The following ANKFN1 variants were observed in gnomAD, a reference collection of about 807,000 sequenced individuals.
ANKFN1 encodes the protein ankyrin repeat and fibronectin type-III domain-containing protein 1.
ANKFN1 carries 74 observed loss-of-function variants against 108.7 expected under a neutral mutation model. The observed-to-expected ratio is 0.68, with a 90% CI of 0.56 to 0.83. ANKFN1 has a LOEUF of 0.83. Ranked by LOEUF, ANKFN1 falls within the 40% of genes least tolerant of loss-of-function variation. The pLI is 0.00. For synonymous variants in ANKFN1, 547 were observed against 516.2 expected (o/e 1.06, Z -0.81); for missense variants, 1,505 against 1,382.3 (o/e 1.09, Z -1.41).
chr17:56,354,616 G>A (rs1265028811), intron 6 of ANKFN1, among the ~76,000 whole-genome samples: 2 of 152,172 alleles, frequency 1.3e-5, no homozygotes, highest in Non-Finnish European at 2.9e-5. Flanking sequence ...TAAAATGGAT[G>A]AGTGGCTGTA....
intron 3 of ANKFN1, among the ~76,000 whole-genome samples, chr17:56,282,999 G>T (rs1211303205): frequency 6.6e-6 from 1 of 152,124 alleles, no homozygotes; most frequent in East Asian, 1.9e-4. Context: ...AGGTTCAGGG[G>T]TACATGTGCA....
At chr17:56,352,259 A>C (rs891868778) in intron 5 of ANKFN1, among the ~76,000 whole-genome samples, 3 of 152,240 alleles carry the variant, frequency 2.0e-5, no homozygotes, top group African/African-American at 7.2e-5. Context: ...AAGCATTTGC[A>C]TAATAGCTTT....
chr17:56,383,952 G>A (rs1022050183), intron 8 of ANKFN1, among the ~76,000 whole-genome samples: 1 of 152,192 alleles, frequency 6.6e-6, no homozygotes, highest in Non-Finnish European at 1.5e-5. Flanking sequence ...AATAGAAAAA[G>A]AGGGAATCCT....
At chr17:56,138,935 G>A (rs1907758359) in intron 4 of ANKFN1, among the ~76,000 whole-genome samples, 1 of 152,122 alleles carries the variant, frequency 6.6e-6, no homozygotes, top group Admixed American at 6.5e-5. Context: ...GCACTCATGA[G>A]TTCAACCGTT....
chr17:56,497,731 AAAAT>A (rs1289941125), intron 19 of ANKFN1, among the ~76,000 whole-genome samples: 1 of 152,146 alleles, frequency 6.6e-6, no homozygotes, highest in Non-Finnish European at 1.5e-5. Context: ...ATGTTCCTGA[AAAAT>A]AAATCCTAAA....
intron 8 of ANKFN1, among the ~76,000 whole-genome samples, chr17:56,378,831 G>A (rs1054131551): frequency 2.6e-5 from 4 of 152,120 alleles, no homozygotes; most frequent in Non-Finnish European, 5.9e-5. Flanking sequence ...TCTGCTGGGG[G>A]TGAGAGGATG....
At chr17:56,154,642 CAA>C (rs60522690) in intron 1 of ANKFN1, among the ~76,000 whole-genome samples, 45 of 134,004 alleles carry the variant, frequency 3.4e-4, no homozygotes, top group Admixed American at 4.5e-4. Flanking sequence ...ATGCCAACAC[CAA>C]AAAAAAAAAA....
chr17:56,189,940 A>T (rs541471083), intron 1 of ANKFN1, among the ~76,000 whole-genome samples: 1 of 152,026 alleles, frequency 6.6e-6, no homozygotes, highest in East Asian at 1.9e-4. Flanking sequence ...AGGCATTATC[A>T]TGACAAAAAG....
At chr17:56,092,266 ATTTT>A (rs748898792) in intron 4 of ANKFN1, among the ~76,000 whole-genome samples, 5 of 111,362 alleles carry the variant, frequency 4.5e-5, no homozygotes, top group African/African-American at 1.2e-4. Context: ...GTGAGGTAGT[ATTTT>A]TTTTTTTTTT....
At chr17:56,049,529 T>G (rs1217457649) in intron 4 of ANKFN1, among the ~76,000 whole-genome samples, 1 of 151,876 alleles carries the variant, frequency 6.6e-6, no homozygotes, top group Non-Finnish European at 1.5e-5. Flanking sequence ...CTCCCAATGC[T>G]ATCCCTCCCC....
Position 56,440,003 on chromosome 17 carries a change from A to G in ANKFN1, c.911-324A>G, listed in dbSNP as rs139964531. On this transcript the variant is annotated intron_variant, in intron 8 of 20. Coordinates refer to ENST00000682825, the MANE Select transcript of ANKFN1 (RefSeq NM_001370326.1). Reference sequence around the variant, plus strand: ...TTATATGGCAATGGTCTCATGAGCAATATATTTAATATAACTTACATCTGA... The same window carrying G: ...TTATATGGCAATGGTCTCATGAGCAGTATATTTAATATAACTTACATCTGA... Among the ~76,000 whole-genome samples, 360 of 152,304 alleles carry G rather than the reference A, an allele frequency of 2.4e-3. 4 individuals are homozygous for G. In the Middle Eastern group the frequency reaches 0.031, roughly 13 times the overall value.
chr17:56,081,172 C>T (rs113167180), intron 4 of ANKFN1, among the ~76,000 whole-genome samples: 9 of 152,096 alleles, frequency 5.9e-5, no homozygotes, highest in South Asian at 2.1e-4. Context: ...GAGAGGCATA[C>T]GGCAGAAGAA....
intron 3 of ANKFN1, chr17:56,228,322 G>T: frequency 4.6e-6 from 1 of 216,174 alleles, no homozygotes; most frequent in Non-Finnish European, 9.0e-6. Context: ...TCCTCACCGT[G>T]TGGTCACAGA....
intron 3 of ANKFN1, among the ~76,000 whole-genome samples, chr17:56,288,790 T>C (rs926608757): frequency 7.2e-5 from 11 of 152,144 alleles, no homozygotes; most frequent in African/African-American, 2.7e-4. Flanking sequence ...CCATGGTTTA[T>C]GAAGTGACAC....
intron 4 of ANKFN1, among the ~76,000 whole-genome samples, chr17:56,082,801 T>A (rs1321293040): frequency 6.6e-6 from 1 of 152,194 alleles, no homozygotes; most frequent in Non-Finnish European, 1.5e-5. Flanking sequence ...ATGTTAGATG[T>A]ACCGTTCAGT....
chr17:56,243,358 C>T (rs1204908254), intron 3 of ANKFN1, among the ~76,000 whole-genome samples: 3 of 152,092 alleles, frequency 2.0e-5, no homozygotes, highest in Non-Finnish European at 4.4e-5. Flanking sequence ...TGCTCCTGCT[C>T]CATGGTGATA....
At chr17:56,228,698 A>G (rs1390938466) in intron 3 of ANKFN1, 1 of 152,138 alleles carries the variant, frequency 6.6e-6, no homozygotes, top group African/African-American at 2.4e-5. Context: ...AGGTAGATTT[A>G]GCTTTAGTAT....
At chr17:56,076,411 C>G (rs1905181876) in intron 4 of ANKFN1, among the ~76,000 whole-genome samples, 2 of 152,186 alleles carry the variant, frequency 1.3e-5, no homozygotes, top group South Asian at 4.1e-4. Context: ...TGAATTAATA[C>G]ATTGACAATG....
At chr17:56,245,730 A>G (rs1917910151) in intron 3 of ANKFN1, 1 of 152,140 alleles carries the variant, frequency 6.6e-6, no homozygotes, top group African/African-American at 2.4e-5. Flanking sequence ...AAGCTAGGAG[A>G]CACTATCAAG....
Sources: gnomAD v4.1 joint callset for allele counts (sites outside exome capture counted in the v4.1 genomes callset) on GRCh38, gnomAD v4.1.1 for gene constraint, MANE v1.5 for transcripts, NCBI Gene and HGNC (gene_info 2026-07-23, HGNC 2026-07-21) for gene names.